ITPR2: variants seen among roughly 807,000 people sequenced by gnomAD.
The protein encoded by ITPR2 is inositol 1,4,5-trisphosphate-gated calcium channel ITPR2.
ITPR2 carries 207 observed loss-of-function variants against 317.1 expected under a neutral mutation model. The ratio of observed to expected loss-of-function variants is 0.65; its 90% CI spans 0.58 to 0.73. The LOEUF is 0.73. ITPR2 is among the 30% of genes least tolerant of loss of function. The probability of loss-of-function intolerance (pLI) is 0.00; values close to 1 mark genes in which losing one functional copy is unlikely to be tolerated. For missense variants in ITPR2, 2,613 were observed against 3,284.0 expected (o/e 0.80, Z 4.99); for synonymous variants, 1,156 against 1,149.1 (o/e 1.01, Z -0.12).
At chr12:26,556,567 TGTGTGTGTGTGTGTGTGTGTGTG>T (rs1944669351) in intron 35 of ITPR2, among the ~76,000 whole-genome samples, 192 bp from the exon 36 acceptor site, 1 of 59,042 alleles carries the variant, frequency 1.7e-5, no homozygotes, top group African/African-American at 4.9e-5. Flanking sequence ...TTTTTTTTTT[TGTGTGTGTGTGTGTGTGTGTGTG>T]TGTGTTTTTG....
At chr12:26,640,012 G>A (rs564520483) in intron 21 of ITPR2, among the ~76,000 whole-genome samples, 1 of 151,882 alleles carries the variant, frequency 6.6e-6, no homozygotes, top group Admixed American at 6.6e-5. Context: ...AGTCAAATGG[G>A]TCTATGCCAG....
intron 2 of ITPR2, among the ~76,000 whole-genome samples, chr12:26,782,917 G>T (rs1950121969): frequency 6.6e-6 from 1 of 152,212 alleles, no homozygotes; most frequent in East Asian, 1.9e-4. Context: ...CATGGGCTGA[G>T]AGTGCAGAAT....
chr12:26,530,501 T>C (rs1478402493), intron 37 of ITPR2, among the ~76,000 whole-genome samples: 1 of 152,220 alleles, frequency 6.6e-6, no homozygotes, highest in Non-Finnish European at 1.5e-5. Context: ...CAGAAGTAAA[T>C]GTAGGAAGAA....
intron 54 of ITPR2, among the ~76,000 whole-genome samples, chr12:26,398,057 G>GGCGTGT (rs1000744679): frequency 3.7e-5 from 5 of 135,002 alleles, no homozygotes; most frequent in Admixed American, 7.4e-5. Flanking sequence ...GGAGGGGAGT[G>GGCGTGT]GTGTGTGTGT....
intron 54 of ITPR2, among the ~76,000 whole-genome samples, chr12:26,396,534 T>C (rs1165482082): frequency 1.3e-5 from 2 of 152,186 alleles, no homozygotes; most frequent in Non-Finnish European, 2.9e-5. Context: ...GTACTCTGAG[T>C]TGTTGGTGTG....
At chr12:26,726,375 T>G (rs1948922871) in intron 2 of ITPR2, among the ~76,000 whole-genome samples, 1 of 152,194 alleles carries the variant, frequency 6.6e-6, no homozygotes, top group African/African-American at 2.4e-5. Flanking sequence ...AGAGGAATAT[T>G]ATAGTTGTGA....
Position 26,578,704 on chromosome 12 carries a change from A to G in ITPR2, c.4630+9T>C. ...TGTAAAAATAAGTAAAACTCAAACT[A>G]TGACTTACCCACTTCAGCCAAAGTT... On this transcript the variant is annotated intron_variant, in intron 34 of 56. Coordinates refer to ENST00000381340, the MANE Select transcript of ITPR2 (RefSeq NM_002223.4). 6.3e-7 allele frequency: 1 copy of G among 1,587,824 alleles called. No homozygotes were observed. Among genetic ancestry groups the G allele is most frequent in the South Asian group, 1.1e-5 (1 of 87,448 alleles).
intron 52 of ITPR2, among the ~76,000 whole-genome samples, chr12:26,407,552 T>C (rs1417753053): frequency 6.6e-6 from 1 of 152,190 alleles, no homozygotes; most frequent in Non-Finnish European, 1.5e-5. Flanking sequence ...AATATTTATA[T>C]TCAAGAAATT....
chr12:26,399,947 TGTA>T (rs1230712319), intron 53 of ITPR2, among the ~76,000 whole-genome samples, 178 bp downstream of exon 53: 1 of 152,232 alleles, frequency 6.6e-6, no homozygotes, highest in Non-Finnish European at 1.5e-5. Flanking sequence ...CACAAAGAGT[TGTA>T]GTACATTAGC....
intron 46 of ITPR2, among the ~76,000 whole-genome samples, chr12:26,440,693 A>T (rs1941466814): frequency 6.6e-6 from 1 of 152,206 alleles, no homozygotes; most frequent in Non-Finnish European, 1.5e-5. Flanking sequence ...ATAATTGGAC[A>T]TATTTGATAT....
At chr12:26,443,050 G>A (rs1241275996) in intron 46 of ITPR2, among the ~76,000 whole-genome samples, 1 of 152,052 alleles carries the variant, frequency 6.6e-6, no homozygotes, top group Non-Finnish European at 1.5e-5. Context: ...TTATGAGGGT[G>A]GTGGAGGGGT....
At chr12:26,347,621 A>G (rs756290398) in intron 55 of ITPR2, among the ~76,000 whole-genome samples, 1 of 152,160 alleles carries the variant, frequency 6.6e-6, no homozygotes, top group Non-Finnish European at 1.5e-5. Flanking sequence ...GCACCAGATC[A>G]CTCTGCATGT....
At chr12:26,408,791 G>C (rs1421571499) in intron 52 of ITPR2, among the ~76,000 whole-genome samples, 1 of 152,150 alleles carries the variant, frequency 6.6e-6, no homozygotes, top group Non-Finnish European at 1.5e-5. Flanking sequence ...CAATATTAAA[G>C]AAATATTCAG....
chr12:26,561,822 G>T lies in ITPR2; in HGVS notation c.4761C>A (p.Arg1587=), dbSNP rs1944827762. The T allele has an allele frequency of 8.8e-6, 14 of 1,594,768 alleles. No individual in the cohort carries two copies. Among genetic ancestry groups the T allele is most frequent in the Non-Finnish European group, 1.2e-5 (14 of 1,175,156 alleles). The part of the protein sequence containing the change: ...GWRLSARSGP[R]FKEALGGPAW... The stretch of plus-strand genomic sequence containing the variant: ...CAGGCCCTCCAAGAGCTTCCTTAAA[G>T]CGTGGCCCAGAGCGAGCTGATAGTC... Residue 1587 remains arginine (R), a synonymous_variant, in exon 35 of 57, where the codon CGC becomes CGA. Transcript: ENST00000381340.
chr12:26,645,132 C>T (rs1282484822), intron 21 of ITPR2, among the ~76,000 whole-genome samples: 2 of 152,278 alleles, frequency 1.3e-5, no homozygotes. Flanking sequence ...TAAGAGCTCT[C>T]CCTAATAAGT....
chr12:26,629,320 C>T (rs1946692405), intron 22 of ITPR2, among the ~76,000 whole-genome samples: 1 of 152,170 alleles, frequency 6.6e-6, no homozygotes, highest in Non-Finnish European at 1.5e-5. Context: ...GGGGCAGTGG[C>T]TCATGGCTGT....
At chr12:26,359,597 G>T (rs1048371445) in intron 55 of ITPR2, among the ~76,000 whole-genome samples, 4 of 135,310 alleles carry the variant, frequency 3.0e-5, no homozygotes, top group Non-Finnish European at 5.0e-5. Context: ...CTTTTCTCTT[G>T]TGGGGAAAAA....
At chr12:26,381,173 T>A (rs1939498584) in intron 55 of ITPR2, among the ~76,000 whole-genome samples, 1 of 152,190 alleles carries the variant, frequency 6.6e-6, no homozygotes, top group South Asian at 2.1e-4. Flanking sequence ...AAATCAGCCC[T>A]CTGATTTGGG....
chr12:26,596,311 T>A (rs1332676752), intron 31 of ITPR2, among the ~76,000 whole-genome samples: 1 of 152,216 alleles, frequency 6.6e-6, no homozygotes, highest in Non-Finnish European at 1.5e-5. Flanking sequence ...AAGAGAGCTG[T>A]CTAGTAGCTT....
Sources: gnomAD v4.1 joint callset for allele counts (sites outside exome capture counted in the v4.1 genomes callset) on GRCh38, gnomAD v4.1.1 for gene constraint, MANE v1.5 for transcripts, NCBI Gene and HGNC (gene_info 2026-07-23, HGNC 2026-07-21) for gene names.